EBF1: variants seen among roughly 807,000 people sequenced by gnomAD.
The protein encoded by EBF1 is transcription factor COE1.
In EBF1, 10 loss-of-function variants were observed where a neutral mutation model predicts 68.4. The ratio of observed to expected loss-of-function variants is 0.15; its 90% CI spans 0.09 to 0.25. EBF1 has a LOEUF of 0.25. EBF1 is among the 10% of genes least tolerant of loss of function. EBF1 has a pLI of 1.00. For synonymous variants in EBF1, 298 were observed against 299.8 expected (o/e 0.99, Z 0.06); for missense variants, 509 against 794.4 (o/e 0.64, Z 4.32).
chr5:159,002,112 C>T (rs1046141430), intron 6 of EBF1, among the ~76,000 whole-genome samples: 4 of 150,774 alleles, frequency 2.7e-5, no homozygotes, highest in African/African-American at 7.3e-5. Flanking sequence ...GACAACAGCC[C>T]AGTAGAATAA....
intron 6 of EBF1, among the ~76,000 whole-genome samples, chr5:159,053,201 G>A (rs538875604): frequency 1.3e-4 from 20 of 152,296 alleles, no homozygotes; most frequent in African/African-American, 3.9e-4. Context: ...CTATGTTGAC[G>A]TTGGGCAAGT....
At chr5:158,708,783 C>T (rs942375244) in intron 14 of EBF1, among the ~76,000 whole-genome samples, 1 of 152,178 alleles carries the variant, frequency 6.6e-6, no homozygotes, top group African/African-American at 2.4e-5. Flanking sequence ...GGATGGCCAC[C>T]AGACTGCCAC....
At chr5:158,743,796 A>G (rs1356124271) in intron 10 of EBF1, among the ~76,000 whole-genome samples, 3 of 152,202 alleles carry the variant, frequency 2.0e-5, no homozygotes, top group Admixed American at 6.5e-5. Flanking sequence ...AAAAAAAATC[A>G]TGAGTTCAAT....
intron 6 of EBF1, among the ~76,000 whole-genome samples, chr5:158,948,668 G>A (rs370244166): frequency 3.1e-4 from 47 of 152,254 alleles, no homozygotes; most frequent in African/African-American, 9.4e-4. Flanking sequence ...GCCGGTCTGC[G>A]CTCTCCCAGA....
At chr5:158,814,479 G>T (rs1371243781) in intron 8 of EBF1, among the ~76,000 whole-genome samples, 4 of 152,098 alleles carry the variant, frequency 2.6e-5, no homozygotes, top group Non-Finnish European at 4.4e-5. Flanking sequence ...AATTAGTAAG[G>T]TGTGACTCAC....
Position 158,840,668 on chromosome 5 carries a change from TTTTTG to T in EBF1, c.555-563_555-559del, listed in dbSNP as rs1562086571. On this transcript the variant is annotated intron_variant, in intron 6 of 15. Coordinates refer to ENST00000313708, the MANE Select transcript of EBF1 (RefSeq NM_024007.5). ...CTGTTTTTTTTTTTTTTTTTTTTTT[TTTTTG>T]TTTTTTTTTTTTTTTTGAGACGGAG... Among the ~76,000 whole-genome samples the T allele has an allele frequency of 1.8e-3, 146 of 79,380 alleles. 19 individuals carry two copies. The highest frequency in any genetic ancestry group is 5.5e-3 in the African/African-American group (117 of 21,200). The allele number at this position is 79,380 out of a possible 152,430, so 52.1% of individuals were successfully genotyped here.
chr5:158,855,341 CAG>C (rs1490893559), intron 6 of EBF1, among the ~76,000 whole-genome samples: 3 of 152,192 alleles, frequency 2.0e-5, no homozygotes, highest in Non-Finnish European at 2.9e-5. Flanking sequence ...AAGTATATGA[CAG>C]GGAGTGGATA....
intron 6 of EBF1, among the ~76,000 whole-genome samples, chr5:159,028,817 A>G (rs1768210006): frequency 6.6e-6 from 1 of 152,202 alleles, no homozygotes; most frequent in Non-Finnish European, 1.5e-5. Flanking sequence ...AGAGCCAGTC[A>G]TGGTTATTCT....
At chr5:159,024,646 C>G (rs1297792771) in intron 6 of EBF1, among the ~76,000 whole-genome samples, 2 of 152,168 alleles carry the variant, frequency 1.3e-5, no homozygotes, top group African/African-American at 2.4e-5. Context: ...AGGTTTGAAG[C>G]AATGGAATAA....
intron 6 of EBF1, among the ~76,000 whole-genome samples, chr5:159,022,318 T>G (rs1015204383): frequency 2.6e-5 from 4 of 152,228 alleles, no homozygotes; most frequent in Admixed American, 2.0e-4. Context: ...CCCGGCCGCC[T>G]GTGTCTGCCG....
At chr5:159,044,341 C>T (rs920872365) in intron 6 of EBF1, among the ~76,000 whole-genome samples, 1 of 152,094 alleles carries the variant, frequency 6.6e-6, no homozygotes, top group African/African-American at 2.4e-5. Context: ...CAAGTTAATG[C>T]AGGTGTTGTG....
At chr5:158,711,695 G>A (rs891159796) in intron 14 of EBF1, among the ~76,000 whole-genome samples, 4 of 151,360 alleles carry the variant, frequency 2.6e-5, no homozygotes, top group South Asian at 2.1e-4. Flanking sequence ...TCTTTGAGAC[G>A]GAGTCTTGCT....
intron 1 of EBF1, chr5:159,097,583 T>C: frequency 4.2e-6 from 1 of 239,054 alleles, no homozygotes; most frequent in South Asian, 1.6e-4. Flanking sequence ...ATGCTCGGCG[T>C]CTCGCCGCAG....
chr5:159,038,544 C>T (rs150858578), intron 6 of EBF1, among the ~76,000 whole-genome samples: 1 of 152,144 alleles, frequency 6.6e-6, no homozygotes, highest in Non-Finnish European at 1.5e-5. Context: ...AGCAAAGAGG[C>T]CATGCCTCAC....
At chr5:158,751,393 A>T (rs1303827335) in intron 10 of EBF1, among the ~76,000 whole-genome samples, 1 of 152,074 alleles carries the variant, frequency 6.6e-6, no homozygotes, top group Non-Finnish European at 1.5e-5. Context: ...TCCTTTACTG[A>T]TGCCTCTTTG....
chr5:158,804,864 TG>T (rs1781280151), intron 8 of EBF1, among the ~76,000 whole-genome samples: 2 of 152,140 alleles, frequency 1.3e-5, no homozygotes, highest in East Asian at 3.9e-4. Context: ...ATTCTATGAC[TG>T]TCAGTCACTC....
chr5:158,839,947 C>A (rs776206719), intron 7 of EBF1, 82 bp downstream of exon 7: 3 of 1,374,368 alleles, frequency 2.2e-6, no homozygotes, highest in South Asian at 1.2e-5. Flanking sequence ...AAAAAAGCTA[C>A]GTATCTTCTG....
chr5:158,962,678 C>T (rs1753257836), intron 6 of EBF1, among the ~76,000 whole-genome samples: 1 of 152,180 alleles, frequency 6.6e-6, no homozygotes, highest in Non-Finnish European at 1.5e-5. Context: ...GCCTACAAAG[C>T]CCATATAGGT....
chr5:159,040,173 C>T (rs924672248), intron 6 of EBF1, among the ~76,000 whole-genome samples: 41 of 152,196 alleles, frequency 2.7e-4, no homozygotes, highest in African/African-American at 9.9e-4. Context: ...GGCCAGTAAA[C>T]CTAAGGAAAG....
Sources: gnomAD v4.1 joint callset for allele counts (sites outside exome capture counted in the v4.1 genomes callset) on GRCh38, gnomAD v4.1.1 for gene constraint, MANE v1.5 for transcripts, NCBI Gene and HGNC (gene_info 2026-07-23, HGNC 2026-07-21) for gene names.